Variants in ANO10 observed in about 807,000 individuals in gnomAD.
The protein encoded by ANO10 is anoctamin-10.
Under a neutral mutation model 74.7 loss-of-function variants are expected in ANO10, and 77 were observed. The observed-to-expected ratio is 1.03, with a 90% CI of 0.86 to 1.25. The LOEUF is 1.25. ANO10 is among the 50% of genes most tolerant of loss of function. The pLI is 0.00. For missense variants in ANO10, 721 were observed against 778.1 expected (o/e 0.93, Z 0.87); for synonymous variants, 279 against 284.9 (o/e 0.98, Z 0.21).
At chr3:43,602,425 C>T (rs1415955134) in intron 2 of ANO10, among the ~76,000 whole-genome samples, 1 of 152,198 alleles carries the variant, frequency 6.6e-6, no homozygotes, top group Admixed American at 6.5e-5. Context: ...GCAACCTCCA[C>T]CTCTGGGTTC....
chr3:43,494,466 A>C (rs1489914816), intron 11 of ANO10, among the ~76,000 whole-genome samples: 1 of 152,230 alleles, frequency 6.6e-6, no homozygotes, highest in Non-Finnish European at 1.5e-5. Flanking sequence ...AAAATAAAAA[A>C]TAGAATGAAT....
intron 12 of ANO10, among the ~76,000 whole-genome samples, chr3:43,412,896 C>T (rs2092686987): frequency 6.6e-6 from 1 of 152,070 alleles, no homozygotes; most frequent in Non-Finnish European, 1.5e-5. Context: ...ACTAAAACCA[C>T]AAAAATTAGC....
intron 11 of ANO10, among the ~76,000 whole-genome samples, chr3:43,438,702 G>T (rs1162660528): frequency 6.6e-6 from 1 of 151,832 alleles, no homozygotes; most frequent in East Asian, 1.9e-4. Context: ...AGCCGAGATG[G>T]TGCCACTGCA....
At chr3:43,429,311 C>A (rs1436743063) in intron 12 of ANO10, among the ~76,000 whole-genome samples, 1 of 151,956 alleles carries the variant, frequency 6.6e-6, no homozygotes, top group Non-Finnish European at 1.5e-5. Context: ...TTTAGACAAA[C>A]AAGTAGTAAC....
At chr3:43,672,472 A>G (rs1348114076) in intron 1 of ANO10, among the ~76,000 whole-genome samples, 1 of 152,198 alleles carries the variant, frequency 6.6e-6, no homozygotes, top group Non-Finnish European at 1.5e-5. Flanking sequence ...TCGAGGCTGC[A>G]GTGAGATGTA....
chr3:43,432,836 T>G, intron 11 of ANO10, 109 bp from the exon 12 acceptor site: 1 of 815,618 alleles, frequency 1.2e-6, no homozygotes, highest in South Asian at 1.4e-5. Context: ...CTTGGGTAAT[T>G]TCTAAGTATT....
At chr3:43,387,232 A>G (rs771862048) in intron 12 of ANO10, among the ~76,000 whole-genome samples, 5 of 152,236 alleles carry the variant, frequency 3.3e-5, no homozygotes, top group Non-Finnish European at 5.9e-5. Flanking sequence ...GTATCTAAAC[A>G]TAGAAAAGTA....
chr3:43,435,263 C>T (rs1032684707), intron 11 of ANO10, among the ~76,000 whole-genome samples: 1 of 151,378 alleles, frequency 6.6e-6, no homozygotes, highest in Non-Finnish European at 1.5e-5. Flanking sequence ...AATCCCAGCA[C>T]TTTGAGAGGC....
intron 4 of ANO10, among the ~76,000 whole-genome samples, chr3:43,592,209 C>A (rs1386159157): frequency 6.6e-6 from 1 of 152,326 alleles, no homozygotes; most frequent in South Asian, 2.1e-4. Context: ...GAAACTTCTG[C>A]AGACTTAAAC....
intron 11 of ANO10, among the ~76,000 whole-genome samples, chr3:43,450,254 A>G (rs995343766): frequency 2.0e-5 from 3 of 152,182 alleles, no homozygotes; most frequent in African/African-American, 7.2e-5. Context: ...GAAAAATTAT[A>G]TATCAGCCAG....
intron 11 of ANO10, among the ~76,000 whole-genome samples, chr3:43,507,951 G>A (rs748497306): frequency 3.3e-5 from 5 of 152,048 alleles, no homozygotes; most frequent in African/African-American, 1.2e-4. Context: ...TAAAAGGCAA[G>A]AGAAAAATGT....
chr3:43,391,343 G>GA lies in ANO10; in HGVS notation c.1915-24370dup, dbSNP rs200598727. ...TAAAGCTGCAACTGACTATTCTGAGGAAAAAAACATATAAGGATGAATGCA... is the reference window on the plus strand; with the variant it reads ...TAAAGCTGCAACTGACTATTCTGAGGAAAAAAAACATATAAGGATGAATGCA... On this transcript the variant is annotated intron_variant, in intron 12 of 12. Coordinates refer to ENST00000292246, the MANE Select transcript of ANO10 (RefSeq NM_018075.5). Among the ~76,000 whole-genome samples, 726 of 152,168 alleles carry GA rather than the reference G, an allele frequency of 4.8e-3. 5 individuals are homozygous for GA. Among genetic ancestry groups the GA allele is most frequent in the African/African-American group, 0.017 (699 of 41,550 alleles).
chr3:43,452,355 C>G (rs756112623), intron 11 of ANO10, among the ~76,000 whole-genome samples: 2 of 152,186 alleles, frequency 1.3e-5, no homozygotes, highest in Non-Finnish European at 2.9e-5. Context: ...CCTTATCTCC[C>G]GTAGGCAACC....
At chr3:43,455,118 C>T (rs1028423228) in intron 11 of ANO10, among the ~76,000 whole-genome samples, 3 of 151,932 alleles carry the variant, frequency 2.0e-5, no homozygotes, top group Admixed American at 6.6e-5. Context: ...GTGTAGCTGG[C>T]GGGAGTTTTC....
At chr3:43,391,633 C>T (rs551675268) in intron 12 of ANO10, among the ~76,000 whole-genome samples, 26 of 152,256 alleles carry the variant, frequency 1.7e-4, no homozygotes, top group Middle Eastern at 6.8e-3. Context: ...GCTATGGTTT[C>T]CATCTTGGGT....
At chr3:43,453,023 T>C (rs902079220) in intron 11 of ANO10, among the ~76,000 whole-genome samples, 1 of 152,208 alleles carries the variant, frequency 6.6e-6, no homozygotes, top group African/African-American at 2.4e-5. Flanking sequence ...CATTTTTTAA[T>C]TGGGTTAATT....
chr3:43,402,557 C>T (rs2092501805), intron 12 of ANO10, among the ~76,000 whole-genome samples: 2 of 152,296 alleles, frequency 1.3e-5, no homozygotes, highest in African/African-American at 4.8e-5. Flanking sequence ...TCCCCAGCAG[C>T]CCTTACCCCT....
At chr3:43,385,710 T>C (rs903483521) in intron 12 of ANO10, among the ~76,000 whole-genome samples, 1 of 128,378 alleles carries the variant, frequency 7.8e-6, no homozygotes, top group Non-Finnish European at 1.6e-5. Context: ...AGCTAAACTA[T>C]GAGGAGGCAA....
intron 8 of ANO10, among the ~76,000 whole-genome samples, chr3:43,563,472 C>A (rs1575433974): frequency 7.2e-6 from 1 of 139,294 alleles, no homozygotes; most frequent in Non-Finnish European, 1.5e-5. Context: ...AATAGAACAA[C>A]CATAGAATCC....
Sources: allele counts gnomAD v4.1 joint callset (sites outside exome capture counted in the v4.1 genomes callset), GRCh38; gene constraint gnomAD v4.1.1; transcripts MANE v1.5; gene names NCBI Gene and HGNC (gene_info 2026-07-23, HGNC 2026-07-21).